CLSTN2: variants seen among roughly 807,000 people sequenced by gnomAD.
The protein encoded by CLSTN2 is calsyntenin 2.
CLSTN2 carries 48 observed loss-of-function variants against 101.2 expected under a neutral mutation model. That is an observed-to-expected ratio of 0.47 (90% CI 0.38 to 0.60). CLSTN2 has a LOEUF of 0.60. CLSTN2 is among the 20% of genes least tolerant of loss of function. CLSTN2 has a pLI of 0.00. For missense variants in CLSTN2, 1,160 were observed against 1,238.2 expected (o/e 0.94, Z 0.95); for synonymous variants, 481 against 463.6 (o/e 1.04, Z -0.48).
intron 2 of CLSTN2, among the ~76,000 whole-genome samples, chr3:140,245,085 C>T (rs1348378671): frequency 6.6e-6 from 1 of 152,136 alleles, no homozygotes; most frequent in African/African-American, 2.4e-5. Context: ...CTTCGGGAGA[C>T]CCTGATCTAG....
intron 1 of CLSTN2, among the ~76,000 whole-genome samples, chr3:140,143,012 AT>A (rs1273217462): frequency 6.6e-6 from 1 of 152,034 alleles, no homozygotes; most frequent in African/African-American, 2.4e-5. Flanking sequence ...TCAGAGCCAT[AT>A]TTTTTCATCT....
intron 6 of CLSTN2, among the ~76,000 whole-genome samples, chr3:140,452,848 C>A (rs1243174575): frequency 6.6e-6 from 1 of 152,212 alleles, no homozygotes; most frequent in South Asian, 2.1e-4. Context: ...ACTCAAGTGG[C>A]CCCCACCTTC....
intron 2 of CLSTN2, among the ~76,000 whole-genome samples, chr3:140,271,258 G>A (rs367636154): frequency 1.4e-4 from 22 of 152,200 alleles, no homozygotes; most frequent in East Asian, 7.7e-4. Context: ...ATGCCAGCTC[G>A]TGTTCAAGCA....
chr3:140,376,448 C>T (rs2087917973), intron 2 of CLSTN2, among the ~76,000 whole-genome samples: 2 of 152,214 alleles, frequency 1.3e-5, no homozygotes, highest in Non-Finnish European at 2.9e-5. Context: ...AGCATCACAG[C>T]CTCCTGCCAA....
intron 1 of CLSTN2, among the ~76,000 whole-genome samples, chr3:140,144,736 G>A: frequency 6.6e-6 from 1 of 152,206 alleles, no homozygotes; most frequent in East Asian, 1.9e-4. Flanking sequence ...GGAAGTTAGT[G>A]ATACTGGGCT....
chr3:140,040,178 T>G (rs1282078846), intron 1 of CLSTN2, among the ~76,000 whole-genome samples: 2 of 152,184 alleles, frequency 1.3e-5, no homozygotes, highest in African/African-American at 2.4e-5. Context: ...AGCTGTACCT[T>G]TCTTTTCTCA....
intron 5 of CLSTN2, among the ~76,000 whole-genome samples, chr3:140,426,653 G>A (rs1250053698): frequency 6.6e-6 from 1 of 152,144 alleles, no homozygotes; most frequent in African/African-American, 2.4e-5. Flanking sequence ...GGTCTTAGTA[G>A]AGTAGTTAGG....
intron 2 of CLSTN2, among the ~76,000 whole-genome samples, chr3:140,292,514 G>A (rs1249690931): frequency 6.6e-6 from 1 of 152,120 alleles, no homozygotes; most frequent in East Asian, 1.9e-4. Context: ...CTTTGTCCAA[G>A]AATTAACAAA....
intron 1 of CLSTN2, among the ~76,000 whole-genome samples, chr3:140,096,475 G>T (rs527731009): frequency 6.6e-6 from 1 of 152,344 alleles, no homozygotes; most frequent in South Asian, 2.1e-4. Flanking sequence ...GGCACTGGAA[G>T]TAAGGTGCTG....
intron 1 of CLSTN2, among the ~76,000 whole-genome samples, chr3:139,972,929 T>C (rs1236574463): frequency 6.6e-6 from 1 of 152,254 alleles, no homozygotes; most frequent in Non-Finnish European, 1.5e-5. Context: ...CAGAATTTTT[T>C]CTGCATATGT....
intron 1 of CLSTN2, among the ~76,000 whole-genome samples, chr3:140,014,318 G>A (rs1353724141): frequency 1.3e-5 from 2 of 151,974 alleles, no homozygotes; most frequent in Admixed American, 6.6e-5. Flanking sequence ...TCTACCTCCC[G>A]GGTTCAAGTA....
intron 8 of CLSTN2, among the ~76,000 whole-genome samples, chr3:140,481,764 T>C (rs1471250407): frequency 6.6e-6 from 1 of 152,242 alleles, no homozygotes; most frequent in Non-Finnish European, 1.5e-5. Flanking sequence ...GTTATTGGTG[T>C]ATAAGAATGC....
At chr3:140,448,406 A>G in intron 5 of CLSTN2, 113 bp from the exon 6 acceptor site, 9 of 843,324 alleles carry the variant, frequency 1.1e-5, no homozygotes, top group Non-Finnish European at 1.7e-5. Context: ...CTAATATCTA[A>G]TATATGTGTT....
intron 8 of CLSTN2, among the ~76,000 whole-genome samples, chr3:140,519,246 G>A (rs544038180): frequency 2.6e-5 from 4 of 152,276 alleles, no homozygotes; most frequent in Non-Finnish European, 4.4e-5. Flanking sequence ...CTTTCACTTC[G>A]ATTATGTGAT....
At chr3:140,264,149 G>C (rs2086675924) in intron 2 of CLSTN2, among the ~76,000 whole-genome samples, 1 of 151,816 alleles carries the variant, frequency 6.6e-6, no homozygotes, top group African/African-American at 2.4e-5. Flanking sequence ...GTAAATAAAT[G>C]TCCTTTTCCT....
rs749530088 is a variant in CLSTN2 at position 140,516,024 on chromosome 3, G to A, written c.1345-16300G>A. On this transcript the variant is annotated intron_variant, in intron 8 of 16. Transcript: ENST00000458420. Reference sequence around the variant, plus strand: ...ATAAATTTCGAAGCTGCAGTGTTAGGTGCATATATATTTATGATAGTGATA... The same window carrying A: ...ATAAATTTCGAAGCTGCAGTGTTAGATGCATATATATTTATGATAGTGATA... Among the ~76,000 whole-genome samples the A allele has an allele frequency of 2.6e-5, 4 of 152,042 alleles. 1 individual carries two copies. In the South Asian group the frequency reaches 8.3e-4, roughly 32 times the overall value.
chr3:140,031,940 C>T (rs892558111), intron 1 of CLSTN2, among the ~76,000 whole-genome samples: 8 of 151,962 alleles, frequency 5.3e-5, no homozygotes, highest in African/African-American at 1.7e-4. Context: ...ACAACCCTTC[C>T]GTAAAATGAA....
rs914130688 is a variant in CLSTN2, at chr3:140,443,197, G to A, written c.788-5322G>A. Among the ~76,000 whole-genome samples, 8 of 152,246 alleles carry A rather than the reference G, an allele frequency of 5.3e-5. 1 individual carries two copies. Among genetic ancestry groups the A allele is most frequent in the Non-Finnish European group, 4.4e-5 (3 of 68,046 alleles). On this transcript the variant is annotated intron_variant, in intron 5 of 16. Coordinates refer to ENST00000458420, the MANE Select transcript of CLSTN2 (RefSeq NM_022131.3). ...CTCCAGCCATTGGAAGCTGAGACTA[G>A]GAAGAACTGGAGGCTCCTGTGCGTG...
chr3:140,347,410 A>G (rs1421167636), intron 2 of CLSTN2, among the ~76,000 whole-genome samples: 2 of 152,200 alleles, frequency 1.3e-5, no homozygotes, highest in Non-Finnish European at 2.9e-5. Flanking sequence ...AGCCCACCAT[A>G]CTGGTGAGCT....
Sources: allele counts gnomAD v4.1 joint callset (sites outside exome capture counted in the v4.1 genomes callset), GRCh38; gene constraint gnomAD v4.1.1; transcripts MANE v1.5; gene names NCBI Gene and HGNC (gene_info 2026-07-23, HGNC 2026-07-21).